Variants in TM9SF3 observed in about 807,000 individuals in gnomAD.
TM9SF3 encodes the protein SM-11044-binding protein.
A neutral mutation model predicts 78.6 loss-of-function variants in TM9SF3; 14 were observed. The ratio of observed to expected loss-of-function variants is 0.18; its 90% CI spans 0.12 to 0.28. TM9SF3 has a LOEUF of 0.28. Among genes scored for constraint, TM9SF3 ranks in the 10% least tolerant of loss-of-function variants. The pLI is 1.00. For missense variants in TM9SF3, 496 were observed against 721.9 expected, an observed-to-expected ratio of 0.69 and a Z score of 3.59; for synonymous variants, 231 against 241.7, an observed-to-expected ratio of 0.96 and a Z score of 0.41.
chr10:96,581,350 G>C (rs1464125262), intron 1 of TM9SF3, among the ~76,000 whole-genome samples: 2 of 152,178 alleles, frequency 1.3e-5, no homozygotes, highest in Non-Finnish European at 2.9e-5. Context: ...AAAGGACTGA[G>C]GGTTCAGAAC....
At chr10:96,533,591 GTTA>G (rs1353073056) in intron 9 of TM9SF3, among the ~76,000 whole-genome samples, 2 of 152,044 alleles carry the variant, frequency 1.3e-5, no homozygotes, top group African/African-American at 4.8e-5. Context: ...CTTTATATGT[GTTA>G]TTTTCTTATT....
Position 96,562,014 on chromosome 10 carries a change from T to G in TM9SF3, c.546A>C (p.Lys182Asn). 1 of 1,612,446 alleles carries G rather than the reference T, an allele frequency of 6.2e-7. No individual in the cohort carries two copies. Among genetic ancestry groups the G allele is most frequent in the Non-Finnish European group, 8.5e-7 (1 of 1,179,506 alleles). The change falls in exon 4 of 15, where the codon AAA (lysine) becomes AAC (asparagine). Residue 182 changes from lysine to asparagine, a missense_variant. By Grantham distance (94) the Lys-to-Asn change is moderately conservative. Transcript: ENST00000371142. ...TCTGGATTTTAGTATTTGGAACCAG[T>G]TTCACCTTTCCTTCACTAGTTAGAT... is the stretch of plus-strand genomic sequence containing the variant. ...DVNLTSEGKV[K>N]LVPNTKIQMS... is the part of the protein sequence containing the mutation.
intron 3 of TM9SF3, among the ~76,000 whole-genome samples, chr10:96,564,715 A>G (rs1261238416): frequency 6.6e-6 from 1 of 152,234 alleles, no homozygotes; most frequent in Non-Finnish European, 1.5e-5. Context: ...GTGATCAAAC[A>G]TATTGGCCAT....
intron 4 of TM9SF3, among the ~76,000 whole-genome samples, chr10:96,561,545 G>A (rs1848308958): frequency 6.6e-6 from 1 of 152,174 alleles, no homozygotes; most frequent in Non-Finnish European, 1.5e-5. Context: ...CACTGTGCAG[G>A]AGTATATTAT....
At chr10:96,547,181 T>A (rs61858548) in intron 8 of TM9SF3, among the ~76,000 whole-genome samples, 653 of 152,332 alleles carry the variant, frequency 4.3e-3, no homozygotes, top group Non-Finnish European at 6.3e-3. Flanking sequence ...TTGATAAAAC[T>A]AACAGTCAAC....
chr10:96,552,805 TAA>T, intron 6 of TM9SF3, 121 bp downstream of exon 6: 1 of 978,250 alleles, frequency 1.0e-6, no homozygotes, highest in Non-Finnish European at 1.4e-6. Context: ...TTCTTAACTC[TAA>T]AAATCCTGAA....
chr10:96,579,079 CAAG>C (rs1036582273), intron 1 of TM9SF3, among the ~76,000 whole-genome samples: 2 of 152,210 alleles, frequency 1.3e-5, no homozygotes, highest in South Asian at 2.1e-4. Flanking sequence ...CTCAGTCTCA[CAAG>C]AAGAACCTAT....
At chr10:96,542,795 A>T (rs928332949) in intron 9 of TM9SF3, among the ~76,000 whole-genome samples, 1 of 152,078 alleles carries the variant, frequency 6.6e-6, no homozygotes, top group Non-Finnish European at 1.5e-5. Flanking sequence ...AAAAAAAAAA[A>T]TTTCCATTCT....
chr10:96,565,291 A>G lies in TM9SF3; in HGVS notation c.421+13T>C. On this transcript the variant is annotated intron_variant, in intron 3 of 14. Coordinates refer to ENST00000371142, the MANE Select transcript of TM9SF3 (RefSeq NM_020123.4). ...AATTTTCCCAAATCTTAAATACAAC[A>G]TACAATACTTACCCCATATTGGTAA... is the stretch of plus-strand genomic sequence containing the variant. The G allele has an allele frequency of 6.5e-7, 1 of 1,527,186 alleles. No homozygotes were observed. The allele number at this position is 1,527,186 out of a possible 1,614,324, so 94.6% of individuals were successfully genotyped here.
chr10:96,562,112 C>T lies in TM9SF3; in HGVS notation c.448G>A (p.Gly150Arg). The T allele has an allele frequency of 6.2e-7, 1 of 1,612,400 alleles. No homozygotes were observed. Among genetic ancestry groups the T allele is most frequent in the African/African-American group, 1.3e-5 (1 of 74,940 alleles). Residue 150 changes from glycine to arginine, a missense_variant, in exon 4 of 15, where the codon GGA becomes AGA. Around this residue, in one of 4 missense-constraint regions of TM9SF3, gnomAD observed 155 missense variants for 241.6 expected, o/e 0.64. Transcript: ENST00000371142. ...WGIVGEADEN[G>R]EDYYLWTYKK... ...TAGGTCCAAAGATAGTAATCTTCTC[C>T]ATTTTCATCAGCCTCACCAACAATA...
At chr10:96,550,591 T>C (rs1848156869) in intron 7 of TM9SF3, among the ~76,000 whole-genome samples, 1 of 152,210 alleles carries the variant, frequency 6.6e-6, no homozygotes, top group South Asian at 2.1e-4. Context: ...TGTGGCTTTC[T>C]TGAGCACTGA....
chr10:96,527,945 C>A lies in TM9SF3; in HGVS notation c.1541+86G>T, dbSNP rs112669017. 629 of 1,370,522 alleles carry A rather than the reference C, an allele frequency of 4.6e-4. 2 individuals carry two copies. In the African/African-American group the frequency reaches 6.1e-3, roughly 13 times the overall value. 84.9% of individuals were successfully genotyped at this position (1,370,522 alleles called of 1,614,324 possible). A position where few individuals can be genotyped will look rare whatever the true frequency, so the allele number is the denominator to read the frequency against. ...TAAGTAACAACATTTCTATACAGCT[C>A]TTTACTCCACTTGATAGATTTCAAA... On this transcript the variant is annotated intron_variant, in intron 12 of 14. Transcript: ENST00000371142.
At position 96,571,979 on chromosome 10, in the gene TM9SF3, G is replaced by A. The variant is rs1339230383; in HGVS notation, c.298+4655C>T. Among the ~76,000 whole-genome samples the A allele has an allele frequency of 4.6e-5, 7 of 152,298 alleles. 1 individual carries two copies. The highest frequency in any genetic ancestry group is 6.8e-3 in the Middle Eastern group (2 of 294). On this transcript the variant is annotated intron_variant, in intron 2 of 14. Coordinates refer to ENST00000371142, the MANE Select transcript of TM9SF3 (RefSeq NM_020123.4). Reference sequence around the variant, plus strand: ...TCGTAACAACAAGTAGGCACAAACCGTCTGGATGCTAGACAATTTATTAAA... The same window carrying A: ...TCGTAACAACAAGTAGGCACAAACCATCTGGATGCTAGACAATTTATTAAA...
chr10:96,586,800 C>T lies in TM9SF3; in HGVS notation c.36G>A (p.Ala12=). Residue 12 remains alanine (A), a synonymous_variant, in exon 1 of 15, where the codon GCG becomes GCA. Coordinates refer to ENST00000371142, the MANE Select transcript of TM9SF3 (RefSeq NM_020123.4). Reference sequence around the variant, plus strand: ...GCAGCAGCAGCCACAGCGCGGCGGCCGCCGCCACGCCAAGAGCGCCAGGCA... The same window carrying T: ...GCAGCAGCAGCCACAGCGCGGCGGCTGCCGCCACGCCAAGAGCGCCAGGCA... ...RPLPGALGVA[A]AAALWLLLLL... The T allele has an allele frequency of 7.8e-7, 1 of 1,276,768 alleles. No homozygotes were observed. Among genetic ancestry groups the T allele is most frequent in the South Asian group, 2.6e-5 (1 of 38,668 alleles). The allele number at this position is 1,276,768 out of a possible 1,614,324, so 79.1% of individuals were successfully genotyped here.
Position 96,553,003 on chromosome 10 carries a change from T to C in TM9SF3, c.717A>G (p.Leu239=). Residue 239 remains leucine, a synonymous_variant, in exon 6 of 15, where the codon TTA becomes TTG. Transcript: ENST00000371142. ...SFMMVIFLVG[L]VSMILMRTLR... Reference sequence around the variant, plus strand: ...ATGTTCTCATTAAAATCATTGAAACTAAGCCCACCAAGAAGATCACCATCA... The same window carrying C: ...ATGTTCTCATTAAAATCATTGAAACCAAGCCCACCAAGAAGATCACCATCA... The C allele has an allele frequency of 1.2e-6, 2 of 1,608,268 alleles. No homozygotes were observed. The highest frequency in any genetic ancestry group is 1.7e-6 in the Non-Finnish European group (2 of 1,178,472).
In TM9SF3 at chr10:96,586,723, G is replaced by A. The variant is rs1848636390; in HGVS notation, c.102+11C>T. 1 of 1,224,754 alleles carries A rather than the reference G, an allele frequency of 8.2e-7. No homozygotes were observed. The highest frequency in any genetic ancestry group is 1.0e-6 in the Non-Finnish European group (1 of 983,200). 75.9% of individuals were successfully genotyped at this position (1,224,754 alleles called of 1,614,324 possible). On this transcript the variant is annotated intron_variant, in intron 1 of 14. Coordinates refer to ENST00000371142, the MANE Select transcript of TM9SF3 (RefSeq NM_020123.4). ...TAGCCCGGGGCGGCCGCGCCGGCCG[G>A]GGCGCCTCACCGTGTGTTCGTGCTC...
chr10:96,565,659 C>T (rs1295301352), intron 2 of TM9SF3, among the ~76,000 whole-genome samples: 15 of 151,880 alleles, frequency 9.9e-5, no homozygotes, highest in Admixed American at 7.2e-4. Context: ...TCAAACATTA[C>T]CTAAGTGAAA....
intron 4 of TM9SF3, chr10:96,560,050 C>CAAGTGTCTAAATCAATTA (rs1848285673): frequency 5.2e-6 from 3 of 576,056 alleles, no homozygotes; most frequent in Non-Finnish European, 9.3e-6. Flanking sequence ...GCTCATATCA[C>CAAGTGTCTAAATCAATTA]AAGTGTCTAA....
At chr10:96,581,401 A>G (rs956369883) in intron 1 of TM9SF3, among the ~76,000 whole-genome samples, 15 of 152,202 alleles carry the variant, frequency 9.9e-5, no homozygotes, top group Admixed American at 8.5e-4. Flanking sequence ...ACAAAGGGGG[A>G]AAAATATATG....
Sources: allele counts gnomAD v4.1 joint callset (sites outside exome capture counted in the v4.1 genomes callset), GRCh38; gene constraint gnomAD v4.1.1; regional missense constraint gnomAD v4.1.1; transcripts MANE v1.5; gene names NCBI Gene and HGNC (gene_info 2026-07-23, HGNC 2026-07-21).